CDK14: variants seen among roughly 807,000 people sequenced by gnomAD.
The protein encoded by CDK14 is cyclin-dependent kinase 14.
Under a neutral mutation model 60.7 loss-of-function variants are expected in CDK14, and 34 were observed. That is an observed-to-expected ratio of 0.56 (90% CI 0.43 to 0.75). The LOEUF (loss-of-function observed/expected upper bound fraction) is 0.75. Ranked by LOEUF, CDK14 falls within the 30% of genes least tolerant of loss-of-function variation. CDK14 has a pLI of 0.00. For synonymous variants in CDK14, 197 were observed against 203.7 expected, an observed-to-expected ratio of 0.97 and a Z score of 0.28; for missense variants, 482 against 564.1, an observed-to-expected ratio of 0.85 and a Z score of 1.47.
At chr7:91,022,714 T>C (rs1347218382) in intron 10 of CDK14, among the ~76,000 whole-genome samples, 2 of 152,238 alleles carry the variant, frequency 1.3e-5, no homozygotes, top group Non-Finnish European at 2.9e-5. Context: ...TACATGCAGC[T>C]GTGTATTACA....
At chr7:90,891,085 C>T (rs1792109120) in intron 6 of CDK14, among the ~76,000 whole-genome samples, 1 of 152,158 alleles carries the variant, frequency 6.6e-6, no homozygotes, top group African/African-American at 2.4e-5. Flanking sequence ...TAATTACTGT[C>T]ATTGCCATAA....
intron 10 of CDK14, among the ~76,000 whole-genome samples, chr7:91,004,881 G>C (rs1795937614): frequency 6.6e-6 from 1 of 152,166 alleles, no homozygotes; most frequent in South Asian, 2.1e-4. Flanking sequence ...ATTTACAAGG[G>C]ATTTGCTACT....
At chr7:90,779,439 A>G (rs1805213050) in intron 4 of CDK14, among the ~76,000 whole-genome samples, 1 of 152,086 alleles carries the variant, frequency 6.6e-6, no homozygotes, top group Non-Finnish European at 1.5e-5. Flanking sequence ...TTTTGTAGGG[A>G]GAAGGGATTT....
intron 5 of CDK14, among the ~76,000 whole-genome samples, chr7:90,847,576 T>C (rs758399536): frequency 1.4e-4 from 22 of 152,168 alleles, no homozygotes; most frequent in Non-Finnish European, 2.5e-4. Context: ...TACTTTCTTT[T>C]TAAATGCATA....
At chr7:91,126,965 A>T (rs1172522416) in intron 14 of CDK14, among the ~76,000 whole-genome samples, 1 of 152,148 alleles carries the variant, frequency 6.6e-6, no homozygotes, top group Non-Finnish European at 1.5e-5. Context: ...GCTAGTTAGC[A>T]GGAGCTGTCG....
At chr7:91,133,233 T>C (rs1197450624) in intron 14 of CDK14, among the ~76,000 whole-genome samples, 1 of 152,138 alleles carries the variant, frequency 6.6e-6, no homozygotes, top group Non-Finnish European at 1.5e-5. Context: ...TACTCCTGTC[T>C]ATGTACTTTA....
chr7:90,636,828 T>C (rs1334261841), intron 2 of CDK14, among the ~76,000 whole-genome samples: 1 of 152,176 alleles, frequency 6.6e-6, no homozygotes, highest in Non-Finnish European at 1.5e-5. Context: ...TATTAGTCTA[T>C]TCAGAGATTC....
chr7:90,749,812 C>G (rs1028460841), intron 4 of CDK14, among the ~76,000 whole-genome samples: 3 of 152,190 alleles, frequency 2.0e-5, no homozygotes, highest in Admixed American at 2.0e-4. Context: ...TCCATCAGTG[C>G]TGGTGCTTGT....
chr7:90,787,078 G>A (rs1187938389), intron 4 of CDK14, among the ~76,000 whole-genome samples: 1 of 152,182 alleles, frequency 6.6e-6, no homozygotes, highest in Non-Finnish European at 1.5e-5. Flanking sequence ...GAGAGACTCA[G>A]TAGTTGTTGA....
intron 9 of CDK14, among the ~76,000 whole-genome samples, chr7:90,970,539 A>G (rs1584183309): frequency 6.6e-6 from 1 of 152,222 alleles, no homozygotes; most frequent in East Asian, 1.9e-4. Flanking sequence ...ATAGCATAAC[A>G]AAGAGATTGC....
intron 6 of CDK14, among the ~76,000 whole-genome samples, chr7:90,894,539 A>G (rs1022437851): frequency 2.6e-5 from 4 of 152,186 alleles, no homozygotes; most frequent in Admixed American, 6.5e-5. Flanking sequence ...CTTGATGCTA[A>G]TGTCATTGGA....
intron 4 of CDK14, among the ~76,000 whole-genome samples, chr7:90,776,886 A>G (rs1805069733): frequency 6.6e-6 from 1 of 152,084 alleles, no homozygotes; most frequent in Non-Finnish European, 1.5e-5. Context: ...CGATAAATCT[A>G]TGAACCAGAA....
intron 11 of CDK14, 27 bp from the exon 12 acceptor site, chr7:91,079,405 G>A: frequency 6.8e-7 from 1 of 1,476,604 alleles, no homozygotes; most frequent in Non-Finnish European, 9.3e-7. Flanking sequence ...TACAAAGATT[G>A]TTTATCATTT....
intron 3 of CDK14, among the ~76,000 whole-genome samples, chr7:90,727,257 T>G (rs1353639227): frequency 6.6e-6 from 1 of 152,108 alleles, no homozygotes; most frequent in Non-Finnish European, 1.5e-5. Flanking sequence ...CCACCAGTCT[T>G]TCTCATGTGA....
chr7:91,148,580 T>C (rs76648254), intron 14 of CDK14, among the ~76,000 whole-genome samples: 95 of 152,264 alleles, frequency 6.2e-4, no homozygotes, highest in African/African-American at 2.2e-3. Context: ...ATGTTTAGGC[T>C]ACAATGTCAG....
chr7:91,147,650 T>C (rs1800697569), intron 14 of CDK14, among the ~76,000 whole-genome samples: 1 of 152,182 alleles, frequency 6.6e-6, no homozygotes, highest in Non-Finnish European at 1.5e-5. Flanking sequence ...TATATGACAA[T>C]TATATTGCAC....
intron 6 of CDK14, among the ~76,000 whole-genome samples, chr7:90,897,296 C>G (rs1337920395): frequency 6.6e-6 from 1 of 151,688 alleles, no homozygotes; most frequent in Non-Finnish European, 1.5e-5. Context: ...ATTTATTGTT[C>G]TTAGTTTGTG....
chr7:90,716,389 A>G (rs1802249692), intron 2 of CDK14: 1 of 152,060 alleles, frequency 6.6e-6, no homozygotes, highest in Non-Finnish European at 1.5e-5. Flanking sequence ...TACCAAATAA[A>G]CCCTAGTAAG....
intron 5 of CDK14, among the ~76,000 whole-genome samples, chr7:90,841,884 A>G (rs542177311): frequency 1.3e-5 from 2 of 152,232 alleles, no homozygotes; most frequent in East Asian, 1.9e-4. Context: ...GCAGCCTTTA[A>G]TACAGGTACC....
Sources: gnomAD v4.1 joint callset for allele counts (sites outside exome capture counted in the v4.1 genomes callset) on GRCh38, gnomAD v4.1.1 for gene constraint, MANE v1.5 for transcripts, NCBI Gene and HGNC (gene_info 2026-07-23, HGNC 2026-07-21) for gene names.